Variants in MRPL50 observed in about 807,000 individuals in gnomAD.
The protein encoded by MRPL50 is mitochondrial ribosomal protein L50, also known as large ribosomal subunit protein mL50.
Under a neutral mutation model 16.2 loss-of-function variants are expected in MRPL50, and 10 were observed. The observed-to-expected ratio is 0.62, with a 90% CI of 0.38 to 1.05. MRPL50 has a LOEUF of 1.05. MRPL50 is among the 50% of genes least tolerant of loss of function. The pLI is 0.01. For synonymous variants in MRPL50, 68 were observed against 66.8 expected, an observed-to-expected ratio of 1.02 and a Z score of -0.09; for missense variants, 213 against 187.1, an observed-to-expected ratio of 1.14 and a Z score of -0.81.
At chr9:101,391,747 A>G (rs1830276810) in intron 1 of MRPL50, among the ~76,000 whole-genome samples, 1 of 152,084 alleles carries the variant, frequency 6.6e-6, no homozygotes, top group Non-Finnish European at 1.5e-5. Context: ...TGTGGATTTC[A>G]ACACCCACTC....
rs1830261817 is a variant in MRPL50 at position 101,390,824 on chromosome 9, T to C, written c.119A>G (p.Glu40Gly). The C allele has an allele frequency of 1.9e-6, 3 of 1,602,536 alleles. No individual in the cohort carries two copies. Among genetic ancestry groups the C allele is most frequent in the Non-Finnish European group, 2.6e-6 (3 of 1,176,060 alleles). Residue 40 changes from glutamate to glycine, a missense_variant, in exon 2 of 2, where the codon GAG becomes GGG. Coordinates refer to ENST00000374865, the MANE Select transcript of MRPL50 (RefSeq NM_019051.3). ...AGGTTCCTTTTTCTCTTCTACTGTCTCAACAACCACTGGCTCTTTCTCTTT... is the reference window on the plus strand; with the variant it reads ...AGGTTCCTTTTTCTCTTCTACTGTCCCAACAACCACTGGCTCTTTCTCTTT... ...FRKEKEPVVV[E>G]TVEEKKEPIL... is the part of the protein sequence containing the mutation.
At position 101,391,642 on chromosome 9, in the gene MRPL50, A is replaced by G. The variant is rs112713059; in HGVS notation, c.93-792T>C. On this transcript the variant is annotated intron_variant, in intron 1 of 1. Coordinates refer to ENST00000374865, the MANE Select transcript of MRPL50 (RefSeq NM_019051.3). ...AATTCAGCAAAAGCATATAACAATT[A>G]TAAATATATATGCAACCAATATTGG... Among the ~76,000 whole-genome samples the G allele has an allele frequency of 7.8e-3, 1,192 of 152,228 alleles. 20 individuals carry two copies. The highest frequency in any genetic ancestry group is 0.028 in the African/African-American group (1,144 of 41,556).
In MRPL50 at chr9:101,390,730, T is replaced by C; in HGVS notation, c.213A>G (p.Glu71=). 6.2e-7 allele frequency: 1 copy of C among 1,613,090 alleles called. No individual in the cohort carries two copies. Among genetic ancestry groups the C allele is most frequent in the South Asian group, 1.1e-5 (1 of 91,066 alleles). ...AACCAAAAACTTCTTTAACGTAAGA[T>C]TCCAAACGACTCTGGAGATCTTCAG... The part of the protein sequence containing the change: ...TPPEDLQSRL[E]SYVKEVFGSS... The change falls in exon 2 of 2, where the codon GAA becomes GAG. Residue 71 remains glutamate, a synonymous_variant. Coordinates refer to ENST00000374865, the MANE Select transcript of MRPL50 (RefSeq NM_019051.3).
chr9:101,394,250 G>C (rs138928419), intron 1 of MRPL50, among the ~76,000 whole-genome samples: 18 of 152,110 alleles, frequency 1.2e-4, no homozygotes, highest in Non-Finnish European at 2.2e-4. Flanking sequence ...TTCAGACTCC[G>C]GCTGCAAGAG....
Position 101,398,535 on chromosome 9 carries a change from C to A in MRPL50, c.58G>T (p.Gly20Trp), listed in dbSNP as rs958038462. ...TRRVFMWTVS[G>W]TPCREFWSRF... Reference sequence around the variant, plus strand: ...GACCAAAATTCTCTACATGGTGTCCCTGAGACTGTCCACATGAAGACTCTT... The same window carrying A: ...GACCAAAATTCTCTACATGGTGTCCATGAGACTGTCCACATGAAGACTCTT... Residue 20 changes from glycine to tryptophan, a missense_variant, in exon 1 of 2, where the codon GGG becomes TGG. Transcript: ENST00000374865. The A allele has an allele frequency of 1.9e-6, 3 of 1,614,028 alleles. No individual in the cohort carries two copies. In the African/African-American group the frequency reaches 4.0e-5, roughly 22 times the overall value.
intron 1 of MRPL50, among the ~76,000 whole-genome samples, chr9:101,393,068 T>C (rs1325676390): frequency 4.6e-5 from 7 of 152,054 alleles, no homozygotes; most frequent in Admixed American, 4.6e-4. Context: ...ATCAACAAAT[T>C]CGATACATCA....
Position 101,389,573 on chromosome 9 carries a change from A to G in MRPL50, c.*893T>C. The G allele has an allele frequency of 1.2e-6, 1 of 855,146 alleles. No individual in the cohort carries two copies. Among genetic ancestry groups the G allele is most frequent in the Non-Finnish European group, 1.6e-6 (1 of 617,426 alleles). The allele number at this position is 855,146 out of a possible 1,614,324, so 53.0% of individuals were successfully genotyped here. ...GAATTGTCAGCAGTCAGAACAATAT[A>G]AGACATTCCTTCTGTCTCATTACTC... On this transcript the variant is annotated 3_prime_UTR_variant, in exon 2 of 2. Transcript: ENST00000374865.
intron 1 of MRPL50, among the ~76,000 whole-genome samples, chr9:101,392,340 A>C (rs910784698): frequency 6.6e-6 from 1 of 152,052 alleles, no homozygotes; most frequent in African/African-American, 2.4e-5. Flanking sequence ...AAAAGCAATA[A>C]AAAGATCAAT....
chr9:101,390,956 T>G (rs753261387), intron 1 of MRPL50, 106 bp from the exon 2 acceptor site: 109 of 1,223,422 alleles, frequency 8.9e-5, no homozygotes, highest in Non-Finnish European at 1.2e-4. Flanking sequence ...TGATTACCAC[T>G]GGGGACTACT....
intron 1 of MRPL50, among the ~76,000 whole-genome samples, chr9:101,396,406 C>G (rs141228189): frequency 6.6e-6 from 1 of 152,046 alleles, no homozygotes; most frequent in Admixed American, 6.5e-5. Context: ...CATGTATACA[C>G]ACACATACAC....
At chr9:101,393,480 T>TATCATACGTAAGATATATGATCTTAC (rs1830299684) in intron 1 of MRPL50, among the ~76,000 whole-genome samples, 1 of 152,132 alleles carries the variant, frequency 6.6e-6, no homozygotes, top group Non-Finnish European at 1.5e-5. Flanking sequence ...TATGATCTTA[T>TATCATACGTAAGATATATGATCTTAC]GTATCATACG....
Position 101,389,648 on chromosome 9 carries a change from G to T in MRPL50, c.*818C>A. 2 of 350,598 alleles carry T rather than the reference G, an allele frequency of 5.7e-6. No individual in the cohort carries two copies. Among genetic ancestry groups the T allele is most frequent in the Non-Finnish European group, 9.9e-6 (2 of 202,342 alleles). 21.7% of individuals were successfully genotyped at this position (350,598 alleles called of 1,614,324 possible). On this transcript the variant is annotated 3_prime_UTR_variant, in exon 2 of 2. Coordinates refer to ENST00000374865, the MANE Select transcript of MRPL50 (RefSeq NM_019051.3). ...AAAAAATCCCAAATTTAACACCTTT[G>T]TCATTCAGAACCATCTGATAACCTG... is the stretch of plus-strand genomic sequence containing the variant.
At chr9:101,396,575 C>G (rs1371761007) in intron 1 of MRPL50, among the ~76,000 whole-genome samples, 2 of 152,096 alleles carry the variant, frequency 1.3e-5, no homozygotes, top group Non-Finnish European at 2.9e-5. Flanking sequence ...ATGGATGAAC[C>G]TGGAAAATAT....
At chr9:101,393,530 T>C (rs1830300401) in intron 1 of MRPL50, among the ~76,000 whole-genome samples, 1 of 151,930 alleles carries the variant, frequency 6.6e-6, no homozygotes, top group Admixed American at 6.6e-5. Context: ...ATATATGATC[T>C]TGTATTTAGA....
Position 101,398,568 on chromosome 9 carries a change from T to C in MRPL50, c.25A>G (p.Ile9Val), listed in dbSNP as rs1337880904. The change falls in exon 1 of 2, where the codon ATT (isoleucine) becomes GTT (valine). Residue 9 changes from isoleucine (I) to valine (V), a missense_variant. Physicochemically the swap from Ile to Val is conservative, Grantham distance 29. Coordinates refer to ENST00000374865, the MANE Select transcript of MRPL50 (RefSeq NM_019051.3). The part of the protein sequence containing the change: MAARSVSG[I>V]TRRVFMWTVS... Reference sequence around the variant, plus strand: ...GTCCACATGAAGACTCTTCTGGTAATGCCCGACACAGATCGCGCCGCCATC... The same window carrying C: ...GTCCACATGAAGACTCTTCTGGTAACGCCCGACACAGATCGCGCCGCCATC... 6.2e-7 allele frequency: 1 copy of C among 1,613,862 alleles called. No homozygotes were observed. Among genetic ancestry groups the C allele is most frequent in the East Asian group, 2.2e-5 (1 of 44,888 alleles).
In MRPL50 at chr9:101,398,500, C is replaced by T; in HGVS notation, c.92+1G>A. ...ACCCACCGTCCACCATAAAGCTTTA[C>T]CTGAATCGAGACCAAAATTCTCTAC... On this transcript the variant is annotated splice_donor_variant, in intron 1 of 1. Coordinates refer to ENST00000374865, the MANE Select transcript of MRPL50 (RefSeq NM_019051.3). LOFTEE classifies it high-confidence loss of function. 1 of 1,613,654 alleles carries T rather than the reference C, an allele frequency of 6.2e-7. No homozygotes were observed. Among genetic ancestry groups the T allele is most frequent in the Admixed American group, 1.7e-5 (1 of 60,006 alleles).
rs960799183 is a variant in MRPL50 at position 101,388,868 on chromosome 9, CTATT to C, written c.*1594_*1597del. On this transcript the variant is annotated 3_prime_UTR_variant, in exon 2 of 2. Coordinates refer to ENST00000374865, the MANE Select transcript of MRPL50 (RefSeq NM_019051.3). Reference sequence around the variant, plus strand: ...CATTATTCCCTAATCAGCATAACAACTATTTACATAGCTATTTACATTGTATTCA... The same window carrying C: ...CATTATTCCCTAATCAGCATAACAACTACATAGCTATTTACATTGTATTCA... The C allele has an allele frequency of 1.3e-5, 2 of 152,122 alleles. No individual in the cohort carries two copies. The highest frequency in any genetic ancestry group is 4.8e-5 in the African/African-American group (2 of 41,430). The allele number at this position is 152,122 out of a possible 1,614,324, so 9.4% of individuals were successfully genotyped here.
In MRPL50 at chr9:101,388,928, C is replaced by A. The variant is rs1470842691; in HGVS notation, c.*1538G>T. Reference sequence around the variant, plus strand: ...TACATAGCTACTTACATTGTATTCACAATTGTGAAAGCTATTTACATTGTA... The same window carrying A: ...TACATAGCTACTTACATTGTATTCAAAATTGTGAAAGCTATTTACATTGTA... On this transcript the variant is annotated 3_prime_UTR_variant, in exon 2 of 2. Transcript: ENST00000374865. 2 of 152,018 alleles carry A rather than the reference C, an allele frequency of 1.3e-5. No homozygotes were observed. Among genetic ancestry groups the A allele is most frequent in the African/African-American group, 4.8e-5 (2 of 41,406 alleles). 9.4% of individuals were successfully genotyped at this position (152,018 alleles called of 1,614,324 possible).
chr9:101,391,718 AC>A lies in MRPL50; in HGVS notation c.93-869del, dbSNP rs148417283. The stretch of plus-strand genomic sequence containing the variant: ...TTAATAGATCTAAAGGAAGAGATAG[AC>A]TACAATACATTAATGGTTGTGGATT... On this transcript the variant is annotated intron_variant, in intron 1 of 1. Coordinates refer to ENST00000374865, the MANE Select transcript of MRPL50 (RefSeq NM_019051.3). Among the ~76,000 whole-genome samples, 6 of 152,208 alleles carry A rather than the reference AC, an allele frequency of 3.9e-5. No homozygotes were observed. In the East Asian group the frequency reaches 1.2e-3, roughly 29 times the overall value.
Sources: gnomAD v4.1 joint callset for allele counts (sites outside exome capture counted in the v4.1 genomes callset) on GRCh38, gnomAD v4.1.1 for gene constraint, MANE v1.5 for transcripts, NCBI Gene and HGNC (gene_info 2026-07-23, HGNC 2026-07-21) for gene names.